Variants in IMMP2L observed in about 807,000 individuals in gnomAD.
IMMP2L encodes mitochondrial inner membrane protease subunit 2.
In IMMP2L, 18 loss-of-function variants were observed where a neutral mutation model predicts 19.3. The observed-to-expected ratio is 0.93, with a 90% CI of 0.64 to 1.38. IMMP2L has a LOEUF of 1.38. IMMP2L is among the 40% of genes most tolerant of loss of function. The pLI is 0.00. For missense variants in IMMP2L, 233 were observed against 218.2 expected (o/e 1.07, Z -0.43); for synonymous variants, 76 against 73.0 (o/e 1.04, Z -0.21).
rs531267301 is a variant in IMMP2L at position 111,274,183 on chromosome 7, T to C, written c.239+213055A>G. ...AGTTCTAAAATGTAATTAGTGATAATAATCAAGCAATTCCTACAGGAAAAA... is the reference window on the plus strand; with the variant it reads ...AGTTCTAAAATGTAATTAGTGATAACAATCAAGCAATTCCTACAGGAAAAA... On this transcript the variant is annotated intron_variant, in intron 3 of 5. Coordinates refer to ENST00000405709, the MANE Select transcript of IMMP2L (RefSeq NM_032549.4). Among the ~76,000 whole-genome samples the C allele has an allele frequency of 2.0e-5, 3 of 152,212 alleles. No individual in the cohort carries two copies. In the South Asian group the frequency reaches 6.2e-4, roughly 32 times the overall value.
At chr7:110,743,428 G>A (rs1797119074) in intron 5 of IMMP2L, among the ~76,000 whole-genome samples, 1 of 152,134 alleles carries the variant, frequency 6.6e-6, no homozygotes, top group Non-Finnish European at 1.5e-5. Flanking sequence ...AAAATAAGAT[G>A]TGCTATTATT....
At chr7:111,483,025 A>G (rs1261304841) in intron 3 of IMMP2L, among the ~76,000 whole-genome samples, 1 of 152,180 alleles carries the variant, frequency 6.6e-6, no homozygotes, top group African/African-American at 2.4e-5. Context: ...CATTAGTGGG[A>G]AAACAGGTGA....
At chr7:111,418,320 T>C (rs6962684) in intron 3 of IMMP2L, among the ~76,000 whole-genome samples, 2,753 of 151,856 alleles carry the variant, frequency 0.018, 153 homozygotes, top group African/African-American at 0.064. Flanking sequence ...CTGACCCTGA[T>C]GCTAGAAAAT....
Position 111,562,018 on chromosome 7 carries a change from A to C in IMMP2L, c.-170T>G, listed in dbSNP as rs996597177. The stretch of plus-strand genomic sequence containing the variant: ...CACCTGCCCAACACTTCCAGGCAGA[A>C]GGCAGCGCGCCCCCACAGCGCTCCC... On this transcript the variant is annotated 5_prime_UTR_variant, in exon 1 of 6. Transcript: ENST00000405709. 1 of 152,560 alleles carries C rather than the reference A, an allele frequency of 6.6e-6. No individual in the cohort carries two copies. Among genetic ancestry groups the C allele is most frequent in the Non-Finnish European group, 1.5e-5 (1 of 68,186 alleles). 9.5% of individuals were successfully genotyped at this position (152,560 alleles called of 1,614,324 possible).
intron 3 of IMMP2L, among the ~76,000 whole-genome samples, chr7:110,997,398 C>T (rs151002317): frequency 3.4e-4 from 52 of 152,018 alleles, no homozygotes; most frequent in Non-Finnish European, 4.4e-4. Flanking sequence ...TTCCATTTCT[C>T]GGGGATAAAT....
chr7:110,679,943 A>G (rs1792589922), intron 5 of IMMP2L, among the ~76,000 whole-genome samples: 1 of 152,194 alleles, frequency 6.6e-6, no homozygotes, highest in African/African-American at 2.4e-5. Context: ...ATTTTTAAAG[A>G]GAGACTAACA....
chr7:111,331,679 A>G (rs931087730), intron 3 of IMMP2L, among the ~76,000 whole-genome samples: 29 of 151,918 alleles, frequency 1.9e-4, no homozygotes, highest in Non-Finnish European at 2.2e-4. Context: ...CCATAAATTT[A>G]TACAATTATA....
At chr7:111,097,061 A>G (rs1474722427) in intron 3 of IMMP2L, 2 of 151,880 alleles carry the variant, frequency 1.3e-5, no homozygotes, top group Admixed American at 1.3e-4. Flanking sequence ...CAGCTACTCT[A>G]TTCAGGGAAG....
chr7:110,663,995 G>T (rs76771931), intron 5 of IMMP2L, among the ~76,000 whole-genome samples: 4,944 of 152,062 alleles, frequency 0.033, 176 homozygotes, highest in African/African-American at 0.082. Flanking sequence ...TTCCCTTTTA[G>T]AAATGAGAAA....
intron 3 of IMMP2L, among the ~76,000 whole-genome samples, chr7:111,421,259 GTTT>G (rs1427366153): frequency 7.4e-6 from 1 of 134,928 alleles, no homozygotes; most frequent in Admixed American, 7.3e-5. Context: ...GGGGTTGTTT[GTTT>G]TTTTCTTTTT....
At chr7:110,827,566 C>T (rs894428609) in intron 5 of IMMP2L, among the ~76,000 whole-genome samples, 1 of 152,084 alleles carries the variant, frequency 6.6e-6, no homozygotes, top group African/African-American at 2.4e-5. Flanking sequence ...GCAAACAAGA[C>T]CTATAGCGTT....
intron 3 of IMMP2L, among the ~76,000 whole-genome samples, chr7:111,197,741 T>C (rs1239887098): frequency 6.6e-6 from 1 of 152,200 alleles, no homozygotes; most frequent in Admixed American, 6.5e-5. Context: ...CACTCAATAC[T>C]ATTACATTCT....
chr7:111,291,517 A>G (rs946018368), intron 3 of IMMP2L, among the ~76,000 whole-genome samples: 1 of 152,266 alleles, frequency 6.6e-6, no homozygotes, highest in Non-Finnish European at 1.5e-5. Flanking sequence ...TATAAGGAGT[A>G]ATGTACCTTT....
intron 4 of IMMP2L, among the ~76,000 whole-genome samples, chr7:110,938,146 A>G (rs1408154415): frequency 6.6e-6 from 1 of 152,146 alleles, no homozygotes; most frequent in Admixed American, 6.6e-5. Context: ...TGTCAGGTAC[A>G]TGGCAAAACA....
At chr7:111,384,209 AGAGAGAG>A (rs747953044) in intron 3 of IMMP2L, among the ~76,000 whole-genome samples, 1 of 146,332 alleles carries the variant, frequency 6.8e-6, no homozygotes, top group Non-Finnish European at 1.5e-5. Flanking sequence ...AAAGGAGAGA[AGAGAGAG>A]GAGAGAGGAG....
chr7:111,322,890 G>A (rs1202768370), intron 3 of IMMP2L, among the ~76,000 whole-genome samples: 9 of 151,060 alleles, frequency 6.0e-5, no homozygotes, highest in African/African-American at 1.7e-4. Context: ...CAAAGCCTAC[G>A]TCTCCCAGCT....
In IMMP2L at chr7:111,069,651, C is replaced by T. The variant is rs1302689996; in HGVS notation, c.240-106086G>A. 4.0e-5 allele frequency among the ~76,000 whole-genome samples: 6 copies of T among 151,882 alleles called. No homozygotes were observed. The South Asian group carries it at 6.3e-4, about 16-fold the overall frequency. On this transcript the variant is annotated intron_variant, in intron 3 of 5. Coordinates refer to ENST00000405709, the MANE Select transcript of IMMP2L (RefSeq NM_032549.4). Reference sequence around the variant, plus strand: ...GTAGATACACAAAGCAATGAGTGTCCGAGACTCTCTGCAGTATTGCTCATA... The same window carrying T: ...GTAGATACACAAAGCAATGAGTGTCTGAGACTCTCTGCAGTATTGCTCATA...
At chr7:111,309,743 C>T (rs535531749) in intron 3 of IMMP2L, among the ~76,000 whole-genome samples, 2 of 151,984 alleles carry the variant, frequency 1.3e-5, no homozygotes, top group South Asian at 2.1e-4. Context: ...TACTTGTGAC[C>T]GACAGAAATA....
intron 5 of IMMP2L, among the ~76,000 whole-genome samples, chr7:110,792,270 C>T (rs74668367): frequency 6.6e-6 from 1 of 151,614 alleles, no homozygotes; most frequent in African/African-American, 2.4e-5. Flanking sequence ...TACATACTTA[C>T]CTCCTAGAGT....
Sources: allele counts gnomAD v4.1 joint callset (sites outside exome capture counted in the v4.1 genomes callset), GRCh38; gene constraint gnomAD v4.1.1; transcripts MANE v1.5; gene names NCBI Gene and HGNC (gene_info 2026-07-23, HGNC 2026-07-21).